Variants in LAPTM5 observed in about 807,000 individuals in gnomAD.
LAPTM5 encodes lysosomal protein transmembrane 5, also known as lysosomal-associated transmembrane protein 5.
Under a neutral mutation model 30.1 loss-of-function variants are expected in LAPTM5, and 11 were observed. The ratio of observed to expected loss-of-function variants is 0.37; its 90% CI spans 0.23 to 0.60. LAPTM5 has a LOEUF of 0.60. LAPTM5 is among the 20% of genes least tolerant of loss of function. The pLI, the probability that LAPTM5 is intolerant of heterozygous loss-of-function variation, is 0.71. For synonymous variants in LAPTM5, 151 were observed against 137.9 expected (o/e 1.10, Z -0.67); for missense variants, 324 against 332.5 (o/e 0.97, Z 0.20).
intron 1 of LAPTM5, among the ~76,000 whole-genome samples, chr1:30,755,017 G>C (rs1283583165): frequency 6.6e-6 from 1 of 152,196 alleles, no homozygotes; most frequent in Non-Finnish European, 1.5e-5. Context: ...GCCCTTTCTG[G>C]GAAGGAGAGA....
At chr1:30,749,221 T>C (rs188620443) in intron 1 of LAPTM5, among the ~76,000 whole-genome samples, 146 of 152,178 alleles carry the variant, frequency 9.6e-4, no homozygotes, top group Non-Finnish European at 1.7e-3. Context: ...AAACATAACG[T>C]TGGGAGAAAG....
At chr1:30,734,797 GAAGGC>G (rs1639862483) in intron 7 of LAPTM5, among the ~76,000 whole-genome samples, 1 of 152,148 alleles carries the variant, frequency 6.6e-6, no homozygotes, top group South Asian at 2.1e-4. Flanking sequence ...CCTCCTCCAG[GAAGGC>G]TTCCCTGATA....
rs1557465062 is a variant in LAPTM5, at chr1:30,746,537, G to A, written c.88-3988C>T. ...CCCCAAGCTCTGAGAGCCCAGCTGG[G>A]CTGTGACCTTGGGACCCGAGCCATC... On this transcript the variant is annotated intron_variant, in intron 1 of 7. Coordinates refer to ENST00000294507, the MANE Select transcript of LAPTM5 (RefSeq NM_006762.3). The surrounding 1 kb of genome is among the most constrained non-coding windows in gnomAD (Gnocchi z 4.0). Among the ~76,000 whole-genome samples the A allele has an allele frequency of 6.6e-6, 1 of 152,308 alleles. No homozygotes were observed. Among genetic ancestry groups the A allele is most frequent in the Middle Eastern group, 3.4e-3 (1 of 294 alleles).
chr1:30,750,270 G>A (rs755607701), intron 1 of LAPTM5, among the ~76,000 whole-genome samples: 8 of 152,226 alleles, frequency 5.3e-5, no homozygotes, highest in South Asian at 4.2e-4. Context: ...CTCCCCAAAC[G>A]ATTCCCTAAA....
chr1:30,741,233 T>C (rs1009161943), intron 3 of LAPTM5, among the ~76,000 whole-genome samples: 1 of 151,998 alleles, frequency 6.6e-6, no homozygotes, highest in African/African-American at 2.4e-5. Flanking sequence ...CATCCTACTT[T>C]CCCCCTTCTT....
intron 1 of LAPTM5, among the ~76,000 whole-genome samples, chr1:30,754,141 TG>T (rs946412737): frequency 7.2e-5 from 11 of 152,268 alleles, no homozygotes; most frequent in African/African-American, 2.2e-4. Flanking sequence ...AAGAGATTTC[TG>T]GGCAAAAGTG....
intron 3 of LAPTM5, among the ~76,000 whole-genome samples, chr1:30,741,397 C>A (rs1483062005): frequency 1.3e-5 from 2 of 152,230 alleles, no homozygotes; most frequent in Non-Finnish European, 2.9e-5. Context: ...GTGTCGGTGA[C>A]CAGCATAGCC....
rs180914116 is a variant in LAPTM5, at chr1:30,747,889, G to A, written c.88-5340C>T. ...TGTTGGAGTTGGCGTGGTGATGACA[G>A]TGATGATCAGAGATGCTGTTGGTGA... On this transcript the variant is annotated intron_variant, in intron 1 of 7. Coordinates refer to ENST00000294507, the MANE Select transcript of LAPTM5 (RefSeq NM_006762.3). 1.6e-3 allele frequency among the ~76,000 whole-genome samples: 243 copies of A among 152,284 alleles called. 2 individuals carry two copies. The highest frequency in any genetic ancestry group is 0.012 in the Admixed American group (182 of 15,296).
intron 1 of LAPTM5, among the ~76,000 whole-genome samples, chr1:30,750,398 G>A (rs142725909): frequency 1.5e-3 from 233 of 152,162 alleles, no homozygotes; most frequent in Non-Finnish European, 2.9e-3. Flanking sequence ...TTATACAGTC[G>A]GCCCTCTGTA....
intron 6 of LAPTM5, among the ~76,000 whole-genome samples, chr1:30,735,649 C>T (rs986614488): frequency 2.6e-5 from 4 of 152,240 alleles, no homozygotes; most frequent in Middle Eastern, 3.4e-3. Flanking sequence ...AAATTGCTTC[C>T]GATATGTTGT....
chr1:30,737,390 C>G (rs1414306163), intron 6 of LAPTM5, among the ~76,000 whole-genome samples: 1 of 152,144 alleles, frequency 6.6e-6, no homozygotes, highest in Non-Finnish European at 1.5e-5. Flanking sequence ...CGCAGGTGGC[C>G]TTTACGGATT....
At chr1:30,741,891 C>T (rs920706512) in intron 2 of LAPTM5, 175 bp from the exon 3 acceptor site, 2 of 507,698 alleles carry the variant, frequency 3.9e-6, no homozygotes, top group African/African-American at 2.0e-5. Context: ...AAAAGCAGAA[C>T]ATCACACATA....
At chr1:30,745,992 G>T (rs1025615222) in intron 1 of LAPTM5, 3 of 152,256 alleles carry the variant, frequency 2.0e-5, no homozygotes, top group Non-Finnish European at 4.4e-5. Context: ...TCCCCACAAG[G>T]TTGAACTTGC....
intron 1 of LAPTM5, among the ~76,000 whole-genome samples, chr1:30,750,452 T>C (rs1235132999): frequency 2.0e-5 from 3 of 152,214 alleles, no homozygotes; most frequent in Non-Finnish European, 2.9e-5. Context: ...CAATCCACGA[T>C]GTGGAACCTG....
At chr1:30,748,836 C>T (rs980531643) in intron 1 of LAPTM5, among the ~76,000 whole-genome samples, 2 of 152,272 alleles carry the variant, frequency 1.3e-5, no homozygotes, top group African/African-American at 4.8e-5. Flanking sequence ...TCACAGACCT[C>T]AGTGAGAACC....
rs544378750 is a variant in LAPTM5, at chr1:30,739,468, C to G, written c.387+341G>C. Among the ~76,000 whole-genome samples, 48 of 152,294 alleles carry G rather than the reference C, an allele frequency of 3.2e-4. 1 individual carries two copies. The South Asian group carries it at 9.5e-3, about 30-fold the overall frequency. Reference sequence around the variant, plus strand: ...ACTTGGTTCCAAAGAAGAAATAATACTGGGGGCTGGGGGCTAAAAAGCGCA... The same window carrying G: ...ACTTGGTTCCAAAGAAGAAATAATAGTGGGGGCTGGGGGCTAAAAAGCGCA... On this transcript the variant is annotated intron_variant, in intron 4 of 7. Coordinates refer to ENST00000294507, the MANE Select transcript of LAPTM5 (RefSeq NM_006762.3). The surrounding 1 kb of genome is among the most constrained non-coding windows in gnomAD (Gnocchi z 4.2).
chr1:30,742,260 A>T, intron 2 of LAPTM5, 196 bp downstream of exon 2: 1 of 593,564 alleles, frequency 1.7e-6, no homozygotes, highest in Non-Finnish European at 3.0e-6. Context: ...CCACCTGCAG[A>T]TGTGGGTGGG....
At chr1:30,738,870 A>G in intron 5 of LAPTM5, 70 bp downstream of exon 5, 1 of 1,502,802 alleles carries the variant, frequency 6.7e-7, no homozygotes, top group East Asian at 2.4e-5. Context: ...ACAGACACAC[A>G]GAGACGTGAA....
At chr1:30,757,187 G>T (rs1557470769) in intron 1 of LAPTM5, among the ~76,000 whole-genome samples, 1 of 152,176 alleles carries the variant, frequency 6.6e-6, no homozygotes, top group Admixed American at 6.5e-5. Context: ...CCCTCGAGTG[G>T]CCCAGGCTCC....
Sources: gnomAD v4.1 joint callset for allele counts (sites outside exome capture counted in the v4.1 genomes callset) on GRCh38, gnomAD v4.1.1 for gene constraint, Gnocchi (gnomAD v3.1) non-coding constraint, MANE v1.5 for transcripts, NCBI Gene and HGNC (gene_info 2026-07-23, HGNC 2026-07-21) for gene names.